DGKG: variants seen among roughly 807,000 people sequenced by gnomAD.
The protein encoded by DGKG is DAG kinase gamma.
In DGKG, 78 loss-of-function variants were observed where a neutral mutation model predicts 105.3. That is an observed-to-expected ratio of 0.74 (90% CI 0.62 to 0.89). The LOEUF (loss-of-function observed/expected upper bound fraction) is 0.89. Ranked by LOEUF, DGKG falls within the 40% of genes least tolerant of loss-of-function variation. The pLI, the probability that DGKG is intolerant of heterozygous loss-of-function variation, is 0.00. For synonymous variants in DGKG, 346 were observed against 367.1 expected (o/e 0.94, Z 0.66); for missense variants, 958 against 1,020.1 (o/e 0.94, Z 0.83).
At chr3:186,312,122 C>CAAAAAA (rs34286105) in intron 2 of DGKG, among the ~76,000 whole-genome samples, 3 of 17,472 alleles carry the variant, frequency 1.7e-4, no homozygotes, top group Non-Finnish European at 2.4e-4. Flanking sequence ...GACTCCGTCT[C>CAAAAAA]AAAAAAAAAA....
Position 186,313,569 on chromosome 3 carries a change from G to A in DGKG, c.68-6592C>T. On this transcript the variant is annotated intron_variant, in intron 2 of 24. Transcript: ENST00000265022. ...GGACCATCTTGCAACTAAAAGTGTG[G>A]TCCCTGGACCAGCAGCATCAGCATC... 3.1e-6 allele frequency: 3 copies of A among 977,388 alleles called. No homozygotes were observed. In the South Asian group the frequency reaches 1.4e-4, roughly 46 times the overall value. 60.5% of individuals were successfully genotyped at this position (977,388 alleles called of 1,614,324 possible). A position where few individuals can be genotyped will look rare whatever the true frequency, so the allele number is the denominator to read the frequency against.
chr3:186,186,844 G>A (rs2108499552), intron 22 of DGKG, among the ~76,000 whole-genome samples: 1 of 152,330 alleles, frequency 6.6e-6, no homozygotes, highest in South Asian at 2.1e-4. Flanking sequence ...CTACTTTTGG[G>A]GCTGGGGTAG....
At chr3:186,187,172 C>T (rs1447117069) in intron 22 of DGKG, among the ~76,000 whole-genome samples, 1 of 152,178 alleles carries the variant, frequency 6.6e-6, no homozygotes, top group Non-Finnish European at 1.5e-5. Context: ...AACCTGACTG[C>T]TCTGATGTGG....
rs142957599 is a variant in DGKG, at chr3:186,335,953, A to G, written c.-248-15246T>C. On this transcript the variant is annotated intron_variant, in intron 1 of 24. Coordinates refer to ENST00000265022, the MANE Select transcript of DGKG (RefSeq NM_001346.3). ...ATATTAAACTATACATATTTGTAGT[A>G]GGTGCTGAACTGTGCCAATCAGATC... Among the ~76,000 whole-genome samples, 7 of 152,320 alleles carry G rather than the reference A, an allele frequency of 4.6e-5. No individual in the cohort carries two copies. The East Asian group carries it at 1.4e-3, about 29-fold the overall frequency.
intron 21 of DGKG, among the ~76,000 whole-genome samples, chr3:186,209,831 G>T (rs928464936): frequency 1.1e-4 from 16 of 152,136 alleles, no homozygotes; most frequent in African/African-American, 3.9e-4. Flanking sequence ...ATACAGAAAT[G>T]GTGCCTGCCC....
At chr3:186,267,331 GAGA>G (rs1278972168) in intron 13 of DGKG, among the ~76,000 whole-genome samples, 16 of 152,282 alleles carry the variant, frequency 1.1e-4, no homozygotes, top group South Asian at 1.0e-3. Context: ...AGTTTAGTCA[GAGA>G]AGATTTCTCT....
intron 21 of DGKG, among the ~76,000 whole-genome samples, chr3:186,205,257 C>CAA (rs71164580): frequency 1.6e-3 from 116 of 72,554 alleles, no homozygotes; most frequent in East Asian, 1.8e-3. Flanking sequence ...AACTCCTTCT[C>CAA]AAAAAAAAAA....
intron 5 of DGKG, among the ~76,000 whole-genome samples, chr3:186,294,110 C>G (rs2108609128): frequency 6.6e-6 from 1 of 152,288 alleles, no homozygotes; most frequent in Admixed American, 6.5e-5. Flanking sequence ...CTGGAAGTTT[C>G]TCTTTTAGTC....
At position 186,231,290 on chromosome 3, in the gene DGKG, A is replaced by T. The variant is rs1318048458; in HGVS notation, c.1826+11214T>A. Among the ~76,000 whole-genome samples, 1 of 152,154 alleles carries T rather than the reference A, an allele frequency of 6.6e-6. No individual in the cohort carries two copies. The highest frequency in any genetic ancestry group is 1.5e-5 in the Non-Finnish European group (1 of 68,034). ...TGCATCTTTGGTCATGGGGCACAAA[A>T]CTGGGCACATGGAGAGGCAGGGAAT... On this transcript the variant is annotated intron_variant, in intron 20 of 24. Transcript: ENST00000265022. The surrounding 1 kb of genome is among the most constrained non-coding windows in gnomAD (Gnocchi z 4.5).
chr3:186,242,497 A>C lies in DGKG; in HGVS notation c.1826+7T>G, dbSNP rs1720737396. On this transcript the variant is annotated splice_region_variant and intron_variant, in intron 20 of 24. Transcript: ENST00000265022. ...TGGGTGGCAGCGCAGCCGGGCCTGCAGCTTACCTGCTGTTGAATTTTTCAG... is the reference window on the plus strand; with the variant it reads ...TGGGTGGCAGCGCAGCCGGGCCTGCCGCTTACCTGCTGTTGAATTTTTCAG... 1 of 1,611,676 alleles carries C rather than the reference A, an allele frequency of 6.2e-7. No individual in the cohort carries two copies. The highest frequency in any genetic ancestry group is 1.3e-5 in the African/African-American group (1 of 74,930).
At chr3:186,297,057 GTCTGTCTC>G (rs1308460713) in intron 5 of DGKG, among the ~76,000 whole-genome samples, 30 of 80,922 alleles carry the variant, frequency 3.7e-4, no homozygotes, top group African/African-American at 1.4e-3. Context: ...CTGTCTGTCT[GTCTGTCTC>G]TCTCACACAC....
chr3:186,345,832 C>T (rs1432419734), intron 1 of DGKG, among the ~76,000 whole-genome samples: 16 of 152,160 alleles, frequency 1.1e-4, no homozygotes, highest in African/African-American at 2.2e-4. Flanking sequence ...TGCAGTGGCG[C>T]GATCTCAGCT....
At chr3:186,179,358 G>C (rs1322877057) in intron 22 of DGKG, among the ~76,000 whole-genome samples, 3 of 152,138 alleles carry the variant, frequency 2.0e-5, no homozygotes, top group African/African-American at 7.2e-5. Flanking sequence ...GTTACTACAT[G>C]GCCCTTTGCA....
chr3:186,277,157 T>C (rs920374511), intron 9 of DGKG, among the ~76,000 whole-genome samples: 2 of 152,058 alleles, frequency 1.3e-5, no homozygotes, highest in African/African-American at 4.8e-5. Context: ...ATTCATTTAT[T>C]CGTTTGACCA....
chr3:186,161,546 C>G, intron 24 of DGKG, 57 bp downstream of exon 24: 2 of 1,613,064 alleles, frequency 1.2e-6, no homozygotes, highest in Non-Finnish European at 1.7e-6. Context: ...AGTCAGTGCC[C>G]AAAAGGGCTC....
At chr3:186,332,809 G>C (rs1323056064) in intron 1 of DGKG, among the ~76,000 whole-genome samples, 1 of 152,122 alleles carries the variant, frequency 6.6e-6, no homozygotes, top group African/African-American at 2.4e-5. Flanking sequence ...CCTTTAAGAG[G>C]TAATTGGGTC....
chr3:186,253,691 A>C (rs1251407067), intron 17 of DGKG, among the ~76,000 whole-genome samples: 1 of 152,206 alleles, frequency 6.6e-6, no homozygotes, highest in East Asian at 1.9e-4. Flanking sequence ...TCAATACTTG[A>C]ATGGCAGACA....
At position 186,148,276 on chromosome 3, in the gene DGKG, C is replaced by T; in HGVS notation, c.*1814G>A. The T allele has an allele frequency of 1.0e-6, 1 of 985,458 alleles. No homozygotes were observed. The highest frequency in any genetic ancestry group is 1.2e-6 in the Non-Finnish European group (1 of 829,956). The allele number at this position is 985,458 out of a possible 1,614,324, so 61.0% of individuals were successfully genotyped here. A position where few individuals can be genotyped will look rare whatever the true frequency, so the allele number is the denominator to read the frequency against. On this transcript the variant is annotated 3_prime_UTR_variant, in exon 25 of 25. Coordinates refer to ENST00000265022, the MANE Select transcript of DGKG (RefSeq NM_001346.3). The stretch of plus-strand genomic sequence containing the variant: ...AGTATCTTGCAGAAGACGCCTCAGT[C>T]CTTCTTGTGACTCTCCACTGAGGTC...
chr3:186,279,928 A>C lies in DGKG; in HGVS notation c.715T>G (p.Phe239Val). ...TGGACCCATTCCTGTAGAGACACAA[A>C]GCCGTCCCGGTCGTAGTCCATCCCT... ...LQGMDYDRDG[F>V]VSLQEWVHGG... The change falls in exon 9 of 25, where the codon TTT (phenylalanine) becomes GTT (valine). Residue 239 changes from phenylalanine to valine, a missense_variant. Transcript: ENST00000265022. The C allele has an allele frequency of 6.2e-7, 1 of 1,614,162 alleles. No homozygotes were observed. Among genetic ancestry groups the C allele is most frequent in the Non-Finnish European group, 8.5e-7 (1 of 1,180,006 alleles).
Sources: gnomAD v4.1 joint callset for allele counts (sites outside exome capture counted in the v4.1 genomes callset) on GRCh38, gnomAD v4.1.1 for gene constraint, Gnocchi (gnomAD v3.1) non-coding constraint, MANE v1.5 for transcripts, NCBI Gene and HGNC (gene_info 2026-07-23, HGNC 2026-07-21) for gene names.